Variants in CTNNA1 observed in about 807,000 individuals in gnomAD.
CTNNA1 encodes catenin alpha 1, also known as catenin alpha-1.
A neutral mutation model predicts 98.4 loss-of-function variants in CTNNA1; 37 were observed. That is an observed-to-expected ratio of 0.38 (90% CI 0.29 to 0.49). The LOEUF is 0.49. Ranked by LOEUF, CTNNA1 falls within the 20% of genes least tolerant of loss-of-function variation. The probability of loss-of-function intolerance (pLI) is 0.95; values close to 1 mark genes in which losing one functional copy is unlikely to be tolerated. For synonymous variants in CTNNA1, 404 were observed against 413.2 expected, an observed-to-expected ratio of 0.98 and a Z score of 0.27; for missense variants, 761 against 1,147.2, an observed-to-expected ratio of 0.66 and a Z score of 4.86.
intron 1 of CTNNA1, among the ~76,000 whole-genome samples, chr5:138,759,296 T>G (rs1752056026): frequency 6.6e-6 from 1 of 152,246 alleles, no homozygotes; most frequent in Non-Finnish European, 1.5e-5. Context: ...TTGTTACAGT[T>G]TGTTTTTATG....
chr5:138,847,626 G>A (rs531093166), intron 7 of CTNNA1, among the ~76,000 whole-genome samples: 2 of 152,298 alleles, frequency 1.3e-5, no homozygotes, highest in African/African-American at 4.8e-5. Flanking sequence ...CAGGAAGTAA[G>A]AAAGATGTGT....
intron 4 of CTNNA1, among the ~76,000 whole-genome samples, chr5:138,810,992 G>A (rs1440967786): frequency 4.6e-5 from 7 of 151,478 alleles, no homozygotes; most frequent in Non-Finnish European, 1.0e-4. Context: ...CTCCCTCCCG[G>A]ACGGGGCGGC....
chr5:138,890,118 G>A (rs186440151), intron 9 of CTNNA1, among the ~76,000 whole-genome samples: 1 of 152,310 alleles, frequency 6.6e-6, no homozygotes, highest in African/African-American at 2.4e-5. Flanking sequence ...AGGGCCATTT[G>A]CCATTTTCCC....
At chr5:138,886,887 T>G (rs915189700) in intron 8 of CTNNA1, among the ~76,000 whole-genome samples, 13 of 152,138 alleles carry the variant, frequency 8.5e-5, no homozygotes, top group African/African-American at 2.7e-4. Flanking sequence ...TATTAAGACT[T>G]AAGAAGTTGT....
At chr5:138,832,099 T>G (rs1474530577) in intron 7 of CTNNA1, among the ~76,000 whole-genome samples, 2 of 152,204 alleles carry the variant, frequency 1.3e-5, no homozygotes, top group Non-Finnish European at 2.9e-5. Flanking sequence ...AAGTGATATC[T>G]TAGAGCAGAG....
At chr5:138,930,388 T>G in intron 14 of CTNNA1, 85 bp from the exon 15 acceptor site, 1 of 955,012 alleles carries the variant, frequency 1.0e-6, no homozygotes, top group African/African-American at 1.6e-5. Context: ...TGCCACAGAT[T>G]GCCTGTTGGA....
chr5:138,919,612 G>A (rs1354152185), intron 11 of CTNNA1, among the ~76,000 whole-genome samples: 1 of 152,194 alleles, frequency 6.6e-6, no homozygotes, highest in African/African-American at 2.4e-5. Flanking sequence ...TTATGCAAAT[G>A]TATGAGAGTA....
At chr5:138,764,919 G>A (rs1752762956) in intron 1 of CTNNA1, among the ~76,000 whole-genome samples, 1 of 144,564 alleles carries the variant, frequency 6.9e-6, no homozygotes, top group Admixed American at 7.1e-5. Context: ...CCATGCTGGA[G>A]TGGGAGTGCA....
At chr5:138,846,287 G>A (rs1762723105) in intron 7 of CTNNA1, among the ~76,000 whole-genome samples, 2 of 152,150 alleles carry the variant, frequency 1.3e-5, no homozygotes, top group African/African-American at 4.8e-5. Flanking sequence ...ATGATAAAAT[G>A]CTCTAAAATT....
Position 138,934,184 on chromosome 5 carries a change from T to A in CTNNA1, c.*95T>A. On this transcript the variant is annotated 3_prime_UTR_variant, in exon 18 of 18. Transcript: ENST00000302763. ...AATTTGCTAAATACAACACTGATACTAGATTCCACAGGGAAATGGGCAGAC... is the reference window on the plus strand; with the variant it reads ...AATTTGCTAAATACAACACTGATACAAGATTCCACAGGGAAATGGGCAGAC... The A allele has an allele frequency of 2.2e-6, 2 of 897,968 alleles. No homozygotes were observed. Among genetic ancestry groups the A allele is most frequent in the Non-Finnish European group, 3.4e-6 (2 of 589,382 alleles). 55.6% of individuals were successfully genotyped at this position (897,968 alleles called of 1,614,324 possible).
chr5:138,812,120 G>A (rs1315642737), intron 4 of CTNNA1, 63 bp from the exon 5 acceptor site: 7 of 1,464,930 alleles, frequency 4.8e-6, no homozygotes, highest in Non-Finnish European at 6.5e-6. Flanking sequence ...TTCCTAGGAT[G>A]CCATCTTCTT....
intron 6 of CTNNA1, among the ~76,000 whole-genome samples, chr5:138,827,236 A>G (rs1240919185): frequency 6.6e-6 from 1 of 152,176 alleles, no homozygotes; most frequent in Non-Finnish European, 1.5e-5. Flanking sequence ...TTAGATGTTC[A>G]GAATAAGTTG....
intron 7 of CTNNA1, among the ~76,000 whole-genome samples, chr5:138,852,382 G>C (rs984776907): frequency 7.5e-6 from 1 of 133,352 alleles, no homozygotes; most frequent in Non-Finnish European, 1.5e-5. Flanking sequence ...AGTGTTCTAG[G>C]ATAGTGATTC....
intron 12 of CTNNA1, 95 bp from the exon 13 acceptor site, chr5:138,925,161 C>G: frequency 7.3e-7 from 1 of 1,376,870 alleles, no homozygotes; most frequent in Non-Finnish European, 1.0e-6. Context: ...CATCATAAGC[C>G]TCACCTCTTT....
At chr5:138,850,296 C>G (rs987736182) in intron 7 of CTNNA1, among the ~76,000 whole-genome samples, 1 of 152,182 alleles carries the variant, frequency 6.6e-6, no homozygotes, top group Non-Finnish European at 1.5e-5. Flanking sequence ...TTTCTATTCA[C>G]TGTACTATGG....
chr5:138,840,218 G>T (rs1325767436), intron 7 of CTNNA1, among the ~76,000 whole-genome samples: 1 of 152,224 alleles, frequency 6.6e-6, no homozygotes, highest in Non-Finnish European at 1.5e-5. Context: ...GATCTGGATA[G>T]GTGGGGACCA....
chr5:138,878,681 T>C (rs1752198980), intron 7 of CTNNA1, among the ~76,000 whole-genome samples: 1 of 152,248 alleles, frequency 6.6e-6, no homozygotes, highest in Admixed American at 6.5e-5. Context: ...GGGAGAGTTA[T>C]TCCCCTACTT....
intron 11 of CTNNA1, among the ~76,000 whole-genome samples, chr5:138,918,320 G>A (rs920227167): frequency 6.6e-6 from 1 of 152,126 alleles, no homozygotes; most frequent in Admixed American, 6.5e-5. Context: ...ATCAGCCTAT[G>A]AAACTTAGGA....
rs879823856 is a variant in CTNNA1, at chr5:138,855,163, C to T, written c.1062+27445C>T. 3.9e-5 allele frequency among the ~76,000 whole-genome samples: 6 copies of T among 152,300 alleles called. 1 individual carries two copies. Among genetic ancestry groups the T allele is most frequent in the Non-Finnish European group, 2.9e-5 (2 of 68,028 alleles). On this transcript the variant is annotated intron_variant, in intron 7 of 17. Coordinates refer to ENST00000302763, the MANE Select transcript of CTNNA1 (RefSeq NM_001903.5). ...AAGCTATTCTTCTGCCTCAGCCTCC[C>T]GAGTAGCTGGGACTGCAGGTGCCTG...
Sources: allele counts gnomAD v4.1 joint callset (sites outside exome capture counted in the v4.1 genomes callset), GRCh38; gene constraint gnomAD v4.1.1; transcripts MANE v1.5; gene names NCBI Gene and HGNC (gene_info 2026-07-23, HGNC 2026-07-21).